The following TCF4 variants were observed in gnomAD, a reference collection of about 807,000 sequenced individuals.
The protein encoded by TCF4 is SL3-3 enhancer factor 2.
A neutral mutation model predicts 82.1 loss-of-function variants in TCF4; 3 were observed. The observed-to-expected ratio is 0.04, with a 90% CI of 0.02 to 0.09. The LOEUF is 0.09. Ranked by LOEUF, TCF4 falls within the 10% of genes least tolerant of loss-of-function variation. The pLI, the probability that TCF4 is intolerant of heterozygous loss-of-function variation, is 1.00. For missense variants in TCF4, 518 were observed against 852.7 expected, an observed-to-expected ratio of 0.61 and a Z score of 4.89; for synonymous variants, 276 against 309.6, an observed-to-expected ratio of 0.89 and a Z score of 1.14.
intron 3 of TCF4, chr18:55,496,450 G>A (rs1335561421): frequency 2.0e-5 from 3 of 148,418 alleles, no homozygotes; most frequent in Non-Finnish European, 3.0e-5. Context: ...TCCTAAGAAC[G>A]ATGATGCACA....
chr18:55,510,907 C>T, intron 3 of TCF4: 1 of 449,700 alleles, frequency 2.2e-6, no homozygotes, highest in Non-Finnish European at 3.1e-6. Flanking sequence ...TATGAATCAA[C>T]AAGATCTCTG....
At chr18:55,245,590 G>C (rs1241922541) in intron 15 of TCF4, among the ~76,000 whole-genome samples, 2 of 152,202 alleles carry the variant, frequency 1.3e-5, no homozygotes, top group African/African-American at 4.8e-5. Flanking sequence ...AAGCTGCAAG[G>C]ACTGGTATCA....
At chr18:55,408,209 T>C (rs2094187573) in intron 5 of TCF4, among the ~76,000 whole-genome samples, 1 of 152,184 alleles carries the variant, frequency 6.6e-6, no homozygotes, top group Non-Finnish European at 1.5e-5. Context: ...AATAGATTCA[T>C]CTATATGGGA....
chr18:55,325,829 AATATACAATG>A (rs1282589024), intron 8 of TCF4, among the ~76,000 whole-genome samples: 3 of 152,232 alleles, frequency 2.0e-5, no homozygotes, highest in Non-Finnish European at 4.4e-5. Flanking sequence ...GATATTCATT[AATATACAATG>A]ATTACATAAC....
intron 3 of TCF4, among the ~76,000 whole-genome samples, chr18:55,485,577 G>A (rs1049533219): frequency 4.6e-5 from 7 of 152,130 alleles, no homozygotes; most frequent in African/African-American, 1.7e-4. Context: ...CCTGGTCCCT[G>A]TGGCCCTCAC....
chr18:55,304,923 A>G (rs967070593), intron 8 of TCF4, among the ~76,000 whole-genome samples: 2 of 152,216 alleles, frequency 1.3e-5, no homozygotes, highest in Admixed American at 6.5e-5. Flanking sequence ...ATGATAAACC[A>G]ATAATTGCAT....
chr18:55,510,540 A>T (rs759717950), intron 3 of TCF4: 151 of 1,409,546 alleles, frequency 1.1e-4, no homozygotes, highest in Non-Finnish European at 1.4e-4. Flanking sequence ...ATTTTAATCA[A>T]GAGTAAGCTT....
At chr18:55,300,414 G>C (rs1337434289) in intron 8 of TCF4, among the ~76,000 whole-genome samples, 2 of 120,034 alleles carry the variant, frequency 1.7e-5, no homozygotes, top group Admixed American at 1.7e-4. Context: ...ATGCAAAGTG[G>C]CAGGGAGTTG....
chr18:55,417,693 TA>T (rs1215079253), intron 5 of TCF4, among the ~76,000 whole-genome samples: 4 of 152,168 alleles, frequency 2.6e-5, no homozygotes, highest in Non-Finnish European at 4.4e-5. Context: ...CTAAGTTGCC[TA>T]AAATAATATT....
chr18:55,569,064 A>G (rs1377739931), intron 3 of TCF4, among the ~76,000 whole-genome samples: 2 of 152,228 alleles, frequency 1.3e-5, no homozygotes, highest in African/African-American at 4.8e-5. Flanking sequence ...ACTCTTCATG[A>G]AATATGAATA....
intron 2 of TCF4, among the ~76,000 whole-genome samples, chr18:55,602,317 A>T (rs1284287613): frequency 6.6e-6 from 1 of 152,212 alleles, no homozygotes; most frequent in African/African-American, 2.4e-5. Context: ...TGGCTCTGGT[A>T]TCCACGCCCT....
intron 6 of TCF4, among the ~76,000 whole-genome samples, chr18:55,373,382 G>A (rs879391848): frequency 6.6e-6 from 1 of 152,104 alleles, no homozygotes; most frequent in Admixed American, 6.5e-5. Flanking sequence ...ATACAGCTTT[G>A]AGATATATTT....
chr18:55,377,316 ACCCC>A (rs1237678266), intron 6 of TCF4, among the ~76,000 whole-genome samples: 1 of 151,806 alleles, frequency 6.6e-6, no homozygotes, highest in African/African-American at 2.4e-5. Context: ...TACTACCATC[ACCCC>A]CACCAGTCTA....
chr18:55,365,743 T>C (rs1460496452), intron 6 of TCF4, among the ~76,000 whole-genome samples: 1 of 151,806 alleles, frequency 6.6e-6, no homozygotes, highest in African/African-American at 2.4e-5. Context: ...CTACTAAAAA[T>C]ATAAAAAAAT....
chr18:55,400,016 T>C (rs1437058645), intron 6 of TCF4, among the ~76,000 whole-genome samples: 1 of 151,896 alleles, frequency 6.6e-6, no homozygotes, highest in Non-Finnish European at 1.5e-5. Flanking sequence ...TAAACTTCCA[T>C]TTAAGGGGAG....
At chr18:55,496,186 A>G (rs575900988) in intron 3 of TCF4, 3 of 152,346 alleles carry the variant, frequency 2.0e-5, no homozygotes, top group African/African-American at 7.2e-5. Context: ...AAGTTTTCAT[A>G]CAGCTAACTC....
intron 8 of TCF4, among the ~76,000 whole-genome samples, chr18:55,285,144 T>A (rs1018850099): frequency 6.6e-6 from 1 of 152,096 alleles, no homozygotes; most frequent in African/African-American, 2.4e-5. Flanking sequence ...AACTAATCCA[T>A]AAAGCAAGGA....
At chr18:55,583,745 A>C (rs1056754448) in intron 3 of TCF4, among the ~76,000 whole-genome samples, 1 of 149,194 alleles carries the variant, frequency 6.7e-6, no homozygotes, top group Non-Finnish European at 1.5e-5. Context: ...TTAAGTCATA[A>C]AAAAATTACT....
chr18:55,453,892 C>A (rs2095678262), intron 5 of TCF4, among the ~76,000 whole-genome samples: 1 of 151,714 alleles, frequency 6.6e-6, no homozygotes, highest in African/African-American at 2.4e-5. Context: ...CTCTCTCTGT[C>A]ACCCAGGCTG....
Sources: allele counts gnomAD v4.1 joint callset (sites outside exome capture counted in the v4.1 genomes callset), GRCh38; gene constraint gnomAD v4.1.1; transcripts MANE v1.5; gene names NCBI Gene and HGNC (gene_info 2026-07-23, HGNC 2026-07-21).